Variants in DLGAP2 observed in about 807,000 individuals in gnomAD.
DLGAP2 encodes disks large-associated protein 2.
A neutral mutation model predicts 100.3 loss-of-function variants in DLGAP2; 26 were observed. The ratio of observed to expected loss-of-function variants is 0.26; its 90% CI spans 0.19 to 0.36. DLGAP2 has a LOEUF of 0.36. Among genes scored for constraint, DLGAP2 ranks in the 10% least tolerant of loss-of-function variants. DLGAP2 has a pLI of 1.00. For missense variants in DLGAP2, 1,858 were observed against 1,453.2 expected (o/e 1.28, Z -4.53); for synonymous variants, 886 against 630.1 (o/e 1.41, Z -6.08).
chr8:1,277,029 C>T (rs886535517), intron 3 of DLGAP2, among the ~76,000 whole-genome samples: 2 of 152,078 alleles, frequency 1.3e-5, no homozygotes, highest in African/African-American at 2.4e-5. Flanking sequence ...AATTGGTCCC[C>T]TTTTCATGGA....
chr8:1,520,865 G>T (rs1800571618), intron 4 of DLGAP2, among the ~76,000 whole-genome samples: 1 of 152,216 alleles, frequency 6.6e-6, no homozygotes, highest in Non-Finnish European at 1.5e-5. Flanking sequence ...GCTTCTTTGG[G>T]TGAATACCTG....
At chr8:844,063 T>G (rs999639315) in intron 1 of DLGAP2, among the ~76,000 whole-genome samples, 2 of 152,226 alleles carry the variant, frequency 1.3e-5, no homozygotes, top group Admixed American at 1.3e-4. Context: ...TGATATGGAG[T>G]GCTCTACTAA....
chr8:1,246,331 G>C (rs532647022), intron 2 of DLGAP2, among the ~76,000 whole-genome samples: 1 of 152,346 alleles, frequency 6.6e-6, no homozygotes, highest in East Asian at 1.9e-4. Context: ...TTAAGAATGT[G>C]AATTTCAAGC....
intron 2 of DLGAP2, among the ~76,000 whole-genome samples, chr8:1,156,598 C>A (rs1339332267): frequency 1.3e-5 from 2 of 151,720 alleles, no homozygotes; most frequent in Non-Finnish European, 2.9e-5. Context: ...GCCCAGCGCC[C>A]CAGCCTAGCG....
At chr8:1,146,785 G>T (rs557784609) in intron 2 of DLGAP2, among the ~76,000 whole-genome samples, 2 of 152,364 alleles carry the variant, frequency 1.3e-5, no homozygotes, top group African/African-American at 4.8e-5. Flanking sequence ...CCACTGTCCT[G>T]AAGTGCAGCC....
rs187154135 is a variant in DLGAP2, at chr8:1,202,941, C to T, written c.74-55910C>T. Among the ~76,000 whole-genome samples, 8 of 152,336 alleles carry T rather than the reference C, an allele frequency of 5.3e-5. No homozygotes were observed. In the East Asian group the frequency reaches 1.5e-3, roughly 29 times the overall value. On this transcript the variant is annotated intron_variant, in intron 2 of 14. Coordinates refer to ENST00000637795, the MANE Select transcript of DLGAP2 (RefSeq NM_001346810.2). Reference sequence around the variant, plus strand: ...TTTTCACAGATGGGGTGAGCACATGCGCTCCCGAGAAGCTGAGCGACATCA... The same window carrying T: ...TTTTCACAGATGGGGTGAGCACATGTGCTCCCGAGAAGCTGAGCGACATCA...
intron 8 of DLGAP2, among the ~76,000 whole-genome samples, chr8:1,666,540 G>T (rs1391507401): frequency 6.6e-6 from 1 of 151,982 alleles, no homozygotes; most frequent in Non-Finnish European, 1.5e-5. Context: ...ATTTAGCCAG[G>T]TGTGGTGGCA....
chr8:1,221,509 C>G (rs1004666782), intron 2 of DLGAP2, among the ~76,000 whole-genome samples: 1 of 152,120 alleles, frequency 6.6e-6, no homozygotes, highest in African/African-American at 2.4e-5. Flanking sequence ...GACCTGCCTC[C>G]TCTCTAGCTG....
intron 3 of DLGAP2, among the ~76,000 whole-genome samples, chr8:1,328,893 C>A (rs1053437706): frequency 2.0e-5 from 3 of 152,202 alleles, no homozygotes; most frequent in Non-Finnish European, 4.4e-5. Context: ...GTGGTAGAAG[C>A]TTTCAGGAAA....
At chr8:757,844 A>G (rs577197592) in intron 1 of DLGAP2, among the ~76,000 whole-genome samples, 107 of 152,256 alleles carry the variant, frequency 7.0e-4, no homozygotes, top group African/African-American at 2.5e-3. Flanking sequence ...CCTCTCGTGT[A>G]TTTTAAACAG....
intron 2 of DLGAP2, among the ~76,000 whole-genome samples, chr8:1,130,382 G>T (rs940819761): frequency 6.6e-6 from 1 of 152,142 alleles, no homozygotes; most frequent in African/African-American, 2.4e-5. Flanking sequence ...GCAACTCACA[G>T]ATATGACGAT....
intron 1 of DLGAP2, among the ~76,000 whole-genome samples, chr8:768,943 C>A (rs541172194): frequency 6.6e-6 from 1 of 152,204 alleles, no homozygotes; most frequent in South Asian, 2.1e-4. Context: ...CTGGTCTGAA[C>A]CTTGGGCGTC....
chr8:1,075,251 G>A (rs1296391967), intron 2 of DLGAP2, among the ~76,000 whole-genome samples: 1 of 152,182 alleles, frequency 6.6e-6, no homozygotes, highest in African/African-American at 2.4e-5. Flanking sequence ...TTTCGAGTTA[G>A]GACCCTCTTG....
intron 1 of DLGAP2, among the ~76,000 whole-genome samples, chr8:749,785 C>T (rs879276911): frequency 5.3e-5 from 8 of 152,174 alleles, no homozygotes; most frequent in Non-Finnish European, 1.0e-4. Context: ...CGGCAGAGCG[C>T]GCTCTTGGTG....
intron 2 of DLGAP2, among the ~76,000 whole-genome samples, chr8:1,178,434 C>T (rs974676962): frequency 6.6e-6 from 1 of 152,182 alleles, no homozygotes; most frequent in Non-Finnish European, 1.5e-5. Flanking sequence ...CCCCCACTCA[C>T]TCTGTGTTTC....
intron 2 of DLGAP2, among the ~76,000 whole-genome samples, chr8:1,256,621 C>A (rs1028123680): frequency 9.3e-5 from 13 of 140,414 alleles, no homozygotes; most frequent in African/African-American, 3.5e-4. Context: ...CGCACAGGGA[C>A]ACAGTCATGT....
chr8:1,065,025 C>G (rs1336913893), intron 2 of DLGAP2, among the ~76,000 whole-genome samples: 2 of 152,230 alleles, frequency 1.3e-5, no homozygotes, highest in Admixed American at 1.3e-4. Flanking sequence ...TACAGCCAGA[C>G]ACCTCCACAC....
chr8:1,213,508 C>G (rs1798149211), intron 2 of DLGAP2, among the ~76,000 whole-genome samples: 1 of 152,104 alleles, frequency 6.6e-6, no homozygotes, highest in African/African-American at 2.4e-5. Context: ...ATATTCCTGA[C>G]TTTATATCAC....
At chr8:1,232,811 C>G (rs1424383643) in intron 2 of DLGAP2, among the ~76,000 whole-genome samples, 1 of 152,184 alleles carries the variant, frequency 6.6e-6, no homozygotes, top group Admixed American at 6.5e-5. Flanking sequence ...AAACGTATCG[C>G]AAGGTTTAGC....
Sources: gnomAD v4.1 joint callset for allele counts (sites outside exome capture counted in the v4.1 genomes callset) on GRCh38, gnomAD v4.1.1 for gene constraint, MANE v1.5 for transcripts, NCBI Gene and HGNC (gene_info 2026-07-23, HGNC 2026-07-21) for gene names.